Variants in MME observed in about 807,000 individuals in gnomAD.
MME encodes membrane metalloendopeptidase.
Under a neutral mutation model 113.2 loss-of-function variants are expected in MME, and 98 were observed. The observed-to-expected ratio is 0.87, with a 90% CI of 0.74 to 1.02. The LOEUF (loss-of-function observed/expected upper bound fraction) is 1.02, where lower values mean the gene tolerates loss of function less well. MME is among the 50% of genes least tolerant of loss of function. MME has a pLI of 0.00. For synonymous variants in MME, 292 were observed against 300.6 expected, an observed-to-expected ratio of 0.97 and a Z score of 0.30; for missense variants, 836 against 896.0, an observed-to-expected ratio of 0.93 and a Z score of 0.86.
chr3:155,042,914 ATATATATATATATATATATATATATG>A lies in MME; in HGVS notation c.-11+18610_-11+18635del, dbSNP rs1364539195. 4.3e-3 allele frequency among the ~76,000 whole-genome samples: 194 copies of A among 44,672 alleles called. 5 individuals carry two copies. Among genetic ancestry groups the A allele is most frequent in the African/African-American group, 6.3e-3 (59 of 9,376 alleles). The allele number at this position is 44,672 out of a possible 152,430, so 29.3% of individuals were successfully genotyped here. On this transcript the variant is annotated intron_variant, in intron 1 of 22. Coordinates refer to the MME transcript ENST00000492661. Reference sequence around the variant, plus strand: ...AATAGTAGGTTTTATATATATATATATATATATATATATATATATATATATGTATATATATATATATATATCACATT... The same window carrying A: ...AATAGTAGGTTTTATATATATATATATATATATATATATATATATCACATT...
intron 3 of MME, among the ~76,000 whole-genome samples, chr3:155,087,320 C>T (rs1167686028): frequency 4.7e-5 from 7 of 149,916 alleles, no homozygotes; most frequent in Non-Finnish European, 1.5e-5. Flanking sequence ...TGACTAGACA[C>T]CCTGAGATGT....
rs543617840 is a variant in MME, at chr3:155,138,782, C to G, written c.855+546C>G. Among the ~76,000 whole-genome samples, 65 of 152,228 alleles carry G rather than the reference C, an allele frequency of 4.3e-4. 1 individual carries two copies. The highest frequency in any genetic ancestry group is 1.5e-3 in the African/African-American group (61 of 41,538). On this transcript the variant is annotated intron_variant, in intron 9 of 22. Transcript: ENST00000360490. The stretch of plus-strand genomic sequence containing the variant: ...GCCCAAGGAGTGTATTCCTGAATTT[C>G]TTCTGGCTCTAGATCAACCCTTGGA...
At chr3:155,113,495 G>A (rs1327570461) in intron 3 of MME, among the ~76,000 whole-genome samples, 1 of 152,082 alleles carries the variant, frequency 6.6e-6, no homozygotes, top group African/African-American at 2.4e-5. Flanking sequence ...GGCCAGGCTG[G>A]TATTGGACTC....
intron 17 of MME, among the ~76,000 whole-genome samples, chr3:155,163,066 CACACATACCTACCTATAT>C (rs1319601194): frequency 1.4e-5 from 2 of 144,174 alleles, no homozygotes; most frequent in Non-Finnish European, 3.0e-5. Context: ...TATATAAATA[CACACATACCTACCTATAT>C]ACATGTCTTC....
chr3:155,044,697 T>C (rs1298961398), intron 1 of MME, among the ~76,000 whole-genome samples: 1 of 152,168 alleles, frequency 6.6e-6, no homozygotes, highest in African/African-American at 2.4e-5. Flanking sequence ...AGCAGTTTCA[T>C]TATGCTGGAT....
chr3:155,114,260 A>T (rs1718417651), intron 3 of MME, among the ~76,000 whole-genome samples: 2 of 152,178 alleles, frequency 1.3e-5, no homozygotes, highest in Admixed American at 6.5e-5. Flanking sequence ...CTTCGTTGGT[A>T]ATAATTCCTA....
At chr3:155,132,889 A>G (rs1720247684) in intron 8 of MME, among the ~76,000 whole-genome samples, 1 of 151,296 alleles carries the variant, frequency 6.6e-6, no homozygotes, top group South Asian at 2.1e-4. Context: ...CCCCGTCTCT[A>G]CTAAATACAA....
At chr3:155,077,536 A>G (rs1360607572), upstream of MME, among the ~76,000 whole-genome samples, 2 of 151,552 alleles carry the variant, frequency 1.3e-5, no homozygotes, top group African/African-American at 4.9e-5. Flanking sequence ...TGATTTAAAA[A>G]CAAACAAACA....
intron 1 of MME, among the ~76,000 whole-genome samples, chr3:155,034,574 G>T (rs1261382173): frequency 6.6e-6 from 1 of 152,166 alleles, no homozygotes; most frequent in Admixed American, 6.6e-5. Flanking sequence ...ATCTGTGATT[G>T]ATTAGATTTC....
At chr3:155,030,515 G>T (rs1052682031) in intron 1 of MME, among the ~76,000 whole-genome samples, 8 of 151,926 alleles carry the variant, frequency 5.3e-5, no homozygotes, top group Non-Finnish European at 1.0e-4. Flanking sequence ...AGATAGCTCC[G>T]AAAAGAAACA....
chr3:155,118,611 T>C, intron 7 of MME, 135 bp from the exon 8 acceptor site: 1 of 671,076 alleles, frequency 1.5e-6, no homozygotes. Context: ...ACTAGGTATT[T>C]ATTGAGTGTC....
At chr3:155,114,433 A>G (rs3773892) in intron 3 of MME, among the ~76,000 whole-genome samples, 9,830 of 152,300 alleles carry the variant, frequency 0.065, 398 homozygotes, top group East Asian at 0.17. Flanking sequence ...GACAGACTCT[A>G]TATAAACAAA....
intron 4 of MME, among the ~76,000 whole-genome samples, chr3:155,115,949 C>T (rs1299563513): frequency 6.6e-6 from 1 of 152,108 alleles, no homozygotes; most frequent in Non-Finnish European, 1.5e-5. Context: ...CTCTGTTCTC[C>T]CCTCTTCTAG....
chr3:155,063,328 T>C (rs1001474549), intron 1 of MME, among the ~76,000 whole-genome samples: 16 of 111,508 alleles, frequency 1.4e-4, no homozygotes, highest in African/African-American at 6.0e-4. Flanking sequence ...TTATAATATA[T>C]ATAAATATAT....
chr3:155,043,065 T>A (rs1215542962), intron 1 of MME, among the ~76,000 whole-genome samples: 1 of 148,974 alleles, frequency 6.7e-6, no homozygotes, highest in African/African-American at 2.4e-5. Flanking sequence ...AAATTATGCT[T>A]AGAGTCTTTT....
chr3:155,161,385 A>G (rs1445596211), intron 17 of MME, among the ~76,000 whole-genome samples: 1 of 152,134 alleles, frequency 6.6e-6, no homozygotes, highest in Admixed American at 6.6e-5. Context: ...TAATCTCAGC[A>G]TTATTCTAAA....
chr3:155,144,978 G>A (rs570005727), intron 14 of MME, among the ~76,000 whole-genome samples: 4 of 152,180 alleles, frequency 2.6e-5, no homozygotes, highest in Non-Finnish European at 5.9e-5. Flanking sequence ...ACTAATCTCT[G>A]TAGTTAGGTT....
chr3:155,147,915 T>G (rs1721645301), intron 15 of MME, among the ~76,000 whole-genome samples: 1 of 152,176 alleles, frequency 6.6e-6, no homozygotes, highest in South Asian at 2.1e-4. Context: ...TCTTTCCATT[T>G]GCAGAAGAAA....
intron 17 of MME, among the ~76,000 whole-genome samples, chr3:155,163,657 GA>G (rs1283786514): frequency 6.6e-6 from 1 of 152,148 alleles, no homozygotes; most frequent in Non-Finnish European, 1.5e-5. Context: ...TAAAATTGCA[GA>G]AAGGATCTTT....
Sources: allele counts gnomAD v4.1 joint callset (sites outside exome capture counted in the v4.1 genomes callset), GRCh38; gene constraint gnomAD v4.1.1; transcripts MANE v1.5; gene names NCBI Gene and HGNC (gene_info 2026-07-23, HGNC 2026-07-21).